MARCHF1: variants seen among roughly 807,000 people sequenced by gnomAD.
MARCHF1 encodes the protein membrane associated ring-CH-type finger 1.
MARCHF1 carries 40 observed loss-of-function variants against 54.2 expected under a neutral mutation model. The observed-to-expected ratio is 0.74, with a 90% CI of 0.57 to 0.96. The LOEUF is 0.96. Among genes scored for constraint, MARCHF1 ranks in the 40% least tolerant of loss-of-function variants. The pLI is 0.00. For synonymous variants in MARCHF1, 236 were observed against 236.3 expected (o/e 1.00, Z 0.01); for missense variants, 586 against 656.5 (o/e 0.89, Z 1.17).
intron 4 of MARCHF1, among the ~76,000 whole-genome samples, chr4:163,736,358 G>A (rs190428816): frequency 1.2e-4 from 19 of 152,244 alleles, no homozygotes; most frequent in African/African-American, 4.6e-4. Flanking sequence ...CATACACTAG[G>A]AAAAGTGATG....
chr4:164,329,489 A>G (rs1735369737), intron 1 of MARCHF1, among the ~76,000 whole-genome samples: 1 of 152,226 alleles, frequency 6.6e-6, no homozygotes, highest in African/African-American at 2.4e-5. Flanking sequence ...ACAAGGGCTG[A>G]GCCCCATCTA....
rs907837357 is a variant in MARCHF1, at chr4:163,527,870, T to G, written c.*878A>C. 6 of 152,136 alleles carry G rather than the reference T, an allele frequency of 3.9e-5. No homozygotes were observed. The highest frequency in any genetic ancestry group is 8.8e-5 in the Non-Finnish European group (6 of 67,984). The allele number at this position is 152,136 out of a possible 1,614,324, so 9.4% of individuals were successfully genotyped here. A position where few individuals can be genotyped will look rare whatever the true frequency, so the allele number is the denominator to read the frequency against. ...GATGACATGTTGAAATAACATATAG[T>G]GTTTTTAAAAAATCAAAATTCATTT... On this transcript the variant is annotated 3_prime_UTR_variant, in exon 10 of 10. Coordinates refer to ENST00000514618, the MANE Select transcript of MARCHF1 (RefSeq NM_001394959.1).
rs1314290933 is a variant in MARCHF1, at chr4:163,828,050, C to CAG, written c.111+25970_111+25971insCT. 1.3e-4 allele frequency among the ~76,000 whole-genome samples: 13 copies of CAG among 101,388 alleles called. 1 individual carries two copies. The highest frequency in any genetic ancestry group is 2.8e-4 in the Non-Finnish European group (12 of 42,336). The allele number at this position is 101,388 out of a possible 152,430, so 66.5% of individuals were successfully genotyped here. ...ACACACACACACACACACACACACA[C>CAG]ACACAGACACACCTTGTCATTCTCC... is the stretch of plus-strand genomic sequence containing the variant. On this transcript the variant is annotated intron_variant, in intron 4 of 9. Coordinates refer to ENST00000514618, the MANE Select transcript of MARCHF1 (RefSeq NM_001394959.1).
At position 163,528,527 on chromosome 4, in the gene MARCHF1, AT is replaced by A. The variant is rs1738220787; in HGVS notation, c.*220del. 2 of 492,200 alleles carry A rather than the reference AT, an allele frequency of 4.1e-6. No individual in the cohort carries two copies. Among genetic ancestry groups the A allele is most frequent in the African/African-American group, 3.9e-5 (2 of 50,998 alleles). The allele number at this position is 492,200 out of a possible 1,614,324, so 30.5% of individuals were successfully genotyped here. ...GAAATCATTCTCTTGCAAACTTCACATTTCCATATCATACTTTACTTTACGC... is the reference window on the plus strand; with the variant it reads ...GAAATCATTCTCTTGCAAACTTCACATTCCATATCATACTTTACTTTACGC... On this transcript the variant is annotated 3_prime_UTR_variant, in exon 10 of 10. Coordinates refer to ENST00000514618, the MANE Select transcript of MARCHF1 (RefSeq NM_001394959.1).
chr4:164,273,683 T>C (rs1257062368), intron 1 of MARCHF1, among the ~76,000 whole-genome samples: 1 of 152,190 alleles, frequency 6.6e-6, no homozygotes, highest in African/African-American at 2.4e-5. Context: ...TGACGGATCT[T>C]AAACAGAGCT....
chr4:164,068,175 A>G (rs1754769290), intron 2 of MARCHF1, among the ~76,000 whole-genome samples: 1 of 152,218 alleles, frequency 6.6e-6, no homozygotes, highest in African/African-American at 2.4e-5. Context: ...TTTCCCAAAG[A>G]ACTTAAAACC....
intron 9 of MARCHF1, among the ~76,000 whole-genome samples, chr4:163,537,745 CTA>C (rs1738587252): frequency 1.3e-5 from 2 of 152,214 alleles, no homozygotes; most frequent in Non-Finnish European, 2.9e-5. Context: ...AAATAGAAAG[CTA>C]CTGTAGTCTC....
At chr4:164,118,549 T>G (rs1197707737) in intron 1 of MARCHF1, among the ~76,000 whole-genome samples, 1 of 151,324 alleles carries the variant, frequency 6.6e-6, no homozygotes, top group Non-Finnish European at 1.5e-5. Context: ...ATACACCCAT[T>G]TAAGCTTATA....
intron 2 of MARCHF1, among the ~76,000 whole-genome samples, chr4:164,037,706 T>C (rs1287925372): frequency 2.0e-5 from 3 of 152,124 alleles, no homozygotes; most frequent in African/African-American, 4.8e-5. Context: ...ATACTTTACG[T>C]TGGAGAAGTC....
chr4:164,125,581 G>T (rs1283224804), intron 1 of MARCHF1, among the ~76,000 whole-genome samples: 1 of 152,040 alleles, frequency 6.6e-6, no homozygotes, highest in Non-Finnish European at 1.5e-5. Context: ...AATTCCAACT[G>T]CCTGGTACAA....
chr4:164,344,765 A>G (rs886991928), intron 1 of MARCHF1, among the ~76,000 whole-genome samples: 1 of 152,158 alleles, frequency 6.6e-6, no homozygotes, highest in Non-Finnish European at 1.5e-5. Context: ...CTGCCCATCC[A>G]TCAACATACA....
intron 1 of MARCHF1, among the ~76,000 whole-genome samples, chr4:164,242,117 G>A (rs1732784997): frequency 1.3e-5 from 2 of 151,920 alleles, no homozygotes; most frequent in Admixed American, 6.6e-5. Flanking sequence ...GAACTGGGTG[G>A]AGCCCACCAC....
intron 4 of MARCHF1, among the ~76,000 whole-genome samples, chr4:163,788,115 C>T (rs890746714): frequency 3.3e-5 from 5 of 151,462 alleles, no homozygotes; most frequent in Non-Finnish European, 5.9e-5. Flanking sequence ...TTCAGATTTG[C>T]GTGATGGAAA....
chr4:163,809,833 G>T (rs1748334254), intron 4 of MARCHF1, among the ~76,000 whole-genome samples: 1 of 152,068 alleles, frequency 6.6e-6, no homozygotes, highest in South Asian at 2.1e-4. Flanking sequence ...GAACTGAGTT[G>T]TATCATCTAA....
intron 1 of MARCHF1, among the ~76,000 whole-genome samples, chr4:164,137,193 T>C (rs533334104): frequency 6.6e-6 from 1 of 152,180 alleles, no homozygotes; most frequent in South Asian, 2.1e-4. Flanking sequence ...AATTATTGTA[T>C]TTTTTTGTCA....
chr4:164,245,294 C>T (rs1470610306), intron 1 of MARCHF1, among the ~76,000 whole-genome samples: 4 of 152,164 alleles, frequency 2.6e-5, no homozygotes, highest in South Asian at 2.1e-4. Context: ...GGATGCAAGG[C>T]TGGTTCAAAC....
chr4:164,077,020 A>G (rs1754995892), intron 2 of MARCHF1, among the ~76,000 whole-genome samples: 1 of 152,186 alleles, frequency 6.6e-6, no homozygotes. Flanking sequence ...ATAGAATTAG[A>G]AAAAACTACT....
chr4:163,790,891 A>G (rs1747757586), intron 4 of MARCHF1, among the ~76,000 whole-genome samples: 1 of 152,130 alleles, frequency 6.6e-6, no homozygotes, highest in African/African-American at 2.4e-5. Flanking sequence ...GAATGTAATT[A>G]AGGGGCAAGT....
intron 1 of MARCHF1, among the ~76,000 whole-genome samples, chr4:164,294,445 G>A (rs557560599): frequency 1.1e-4 from 17 of 152,178 alleles, no homozygotes; most frequent in African/African-American, 3.6e-4. Context: ...CCACACCAAC[G>A]GACTGGAGTT....
Sources: allele counts gnomAD v4.1 joint callset (sites outside exome capture counted in the v4.1 genomes callset), GRCh38; gene constraint gnomAD v4.1.1; transcripts MANE v1.5; gene names NCBI Gene and HGNC (gene_info 2026-07-23, HGNC 2026-07-21).